The following LSAMP variants were observed in gnomAD, a reference collection of about 807,000 sequenced individuals.
LSAMP encodes the protein limbic system-associated membrane protein.
Under a neutral mutation model 38.6 loss-of-function variants are expected in LSAMP, and 7 were observed. The ratio of observed to expected loss-of-function variants is 0.18; its 90% CI spans 0.10 to 0.34. The LOEUF (loss-of-function observed/expected upper bound fraction) is 0.34, where lower values mean the gene tolerates loss of function less well. LSAMP is among the 10% of genes least tolerant of loss of function. The probability of loss-of-function intolerance (pLI) is 1.00; values close to 1 mark genes in which losing one functional copy is unlikely to be tolerated. For synonymous variants in LSAMP, 154 were observed against 166.8 expected (o/e 0.92, Z 0.59); for missense variants, 313 against 420.0 (o/e 0.75, Z 2.23).
At chr3:116,415,466 G>C (rs1438577316) in intron 1 of LSAMP, among the ~76,000 whole-genome samples, 1 of 152,048 alleles carries the variant, frequency 6.6e-6, no homozygotes, top group Non-Finnish European at 1.5e-5. Context: ...ATTGGCCACT[G>C]GGCTGAGAAC....
intron 1 of LSAMP, among the ~76,000 whole-genome samples, chr3:116,328,654 T>A (rs977482932): frequency 1.1e-4 from 16 of 152,196 alleles, no homozygotes; most frequent in South Asian, 2.1e-4. Flanking sequence ...TGAAAAGTGA[T>A]AGGGGCATCA....
At chr3:116,048,963 G>A (rs1281839712) in intron 2 of LSAMP, among the ~76,000 whole-genome samples, 2 of 152,334 alleles carry the variant, frequency 1.3e-5, no homozygotes, top group Middle Eastern at 6.8e-3. Flanking sequence ...AGAGGTGAAA[G>A]AATATGCAGG....
intron 3 of LSAMP, among the ~76,000 whole-genome samples, chr3:115,888,538 C>A (rs1936514234): frequency 6.6e-6 from 1 of 151,890 alleles, no homozygotes; most frequent in Non-Finnish European, 1.5e-5. Context: ...AGTCTTAAAT[C>A]AACACCTTCC....
At chr3:115,982,688 C>T (rs2107629491) in intron 3 of LSAMP, among the ~76,000 whole-genome samples, 1 of 152,208 alleles carries the variant, frequency 6.6e-6, no homozygotes, top group Non-Finnish European at 1.5e-5. Flanking sequence ...CCTCCATCCC[C>T]CATTCCTCCA....
At chr3:116,393,396 G>A (rs377636663) in intron 1 of LSAMP, among the ~76,000 whole-genome samples, 21 of 152,172 alleles carry the variant, frequency 1.4e-4, no homozygotes, top group South Asian at 2.1e-4. Context: ...ACCAGTGCCC[G>A]TTATGGCACC....
At chr3:115,999,264 C>T (rs1178598017) in intron 3 of LSAMP, among the ~76,000 whole-genome samples, 1 of 152,148 alleles carries the variant, frequency 6.6e-6, no homozygotes, top group African/African-American at 2.4e-5. Flanking sequence ...TCTTTTCCCT[C>T]CATGGGAAGA....
At chr3:116,264,834 T>C (rs2046872128) in intron 1 of LSAMP, among the ~76,000 whole-genome samples, 1 of 152,086 alleles carries the variant, frequency 6.6e-6, no homozygotes, top group Admixed American at 6.6e-5. Context: ...CTCAAAAAAC[T>C]GAGTTTAAAC....
chr3:116,145,293 C>T (rs578099067), intron 1 of LSAMP, among the ~76,000 whole-genome samples: 4 of 151,694 alleles, frequency 2.6e-5, no homozygotes, highest in Non-Finnish European at 4.4e-5. Context: ...TCCAGAGAAC[C>T]AGAGAACCAG....
intron 1 of LSAMP, among the ~76,000 whole-genome samples, chr3:116,176,660 G>T (rs1165978049): frequency 6.6e-6 from 1 of 152,080 alleles, no homozygotes; most frequent in East Asian, 1.9e-4. Context: ...GTTTAAACTA[G>T]TTGTTATAAC....
At chr3:115,928,611 G>T (rs776279857) in intron 3 of LSAMP, among the ~76,000 whole-genome samples, 6 of 152,180 alleles carry the variant, frequency 3.9e-5, no homozygotes, top group Non-Finnish European at 8.8e-5. Flanking sequence ...ATGTTTTATA[G>T]GATTTGTTGA....
intron 1 of LSAMP, among the ~76,000 whole-genome samples, chr3:116,260,331 G>A (rs2046808454): frequency 6.6e-6 from 1 of 151,976 alleles, no homozygotes. Flanking sequence ...TCCAGTAAAA[G>A]CAGATTTATT....
Position 116,197,161 on chromosome 3 carries a change from ACACTCT to A in LSAMP, c.156-110611_156-110606del, listed in dbSNP as rs1463371166. Reference sequence around the variant, plus strand: ...CACACACACACACACACACACACACACACTCTCTCTCTCTCTCACTCACTTTGTCTA... The same window carrying A: ...CACACACACACACACACACACACACACTCTCTCTCTCACTCACTTTGTCTA... On this transcript the variant is annotated intron_variant, in intron 1 of 6. Coordinates refer to ENST00000490035, the MANE Select transcript of LSAMP (RefSeq NM_002338.5). 1.5e-3 allele frequency among the ~76,000 whole-genome samples: 232 copies of A among 150,130 alleles called. 1 individual carries two copies. Among genetic ancestry groups the A allele is most frequent in the African/African-American group, 5.3e-3 (214 of 40,098 alleles).
intron 1 of LSAMP, among the ~76,000 whole-genome samples, chr3:116,238,497 C>G (rs1384910212): frequency 1.3e-5 from 2 of 152,186 alleles, no homozygotes; most frequent in Non-Finnish European, 2.9e-5. Context: ...TATGACTAGG[C>G]AGACAGCACA....
intron 3 of LSAMP, among the ~76,000 whole-genome samples, chr3:115,907,728 CAAAAAT>C (rs975265184): frequency 6.6e-6 from 1 of 151,992 alleles, no homozygotes; most frequent in Non-Finnish European, 1.5e-5. Context: ...ACAGTAAACT[CAAAAAT>C]AAAAAGTTTT....
rs558848142 is a variant in LSAMP at position 116,353,903 on chromosome 3, A to G, written c.155+90974T>C. Among the ~76,000 whole-genome samples, 237 of 152,230 alleles carry G rather than the reference A, an allele frequency of 1.6e-3. 3 individuals carry two copies. The highest frequency in any genetic ancestry group is 5.4e-3 in the African/African-American group (223 of 41,572). On this transcript the variant is annotated intron_variant, in intron 1 of 6. Coordinates refer to ENST00000490035, the MANE Select transcript of LSAMP (RefSeq NM_002338.5). ...AATTAAAATAAAGTTCATAAAAATC[A>G]TTGTAGGAGAGCTTCTAAGATTTCC... is the stretch of plus-strand genomic sequence containing the variant.
At chr3:115,909,160 C>T (rs1404061151) in intron 3 of LSAMP, among the ~76,000 whole-genome samples, 1 of 152,184 alleles carries the variant, frequency 6.6e-6, no homozygotes, top group East Asian at 1.9e-4. Flanking sequence ...CTTTGCTCCT[C>T]CTGCATCCTT....
intron 3 of LSAMP, among the ~76,000 whole-genome samples, chr3:115,881,586 G>T (rs1392153809): frequency 6.6e-6 from 1 of 152,086 alleles, no homozygotes; most frequent in Non-Finnish European, 1.5e-5. Context: ...ACTGCTTCTT[G>T]ACTGGTTGTG....
At chr3:116,099,080 C>A (rs565173914) in intron 1 of LSAMP, among the ~76,000 whole-genome samples, 1 of 152,216 alleles carries the variant, frequency 6.6e-6, no homozygotes, top group Non-Finnish European at 1.5e-5. Context: ...AAGGCCATCA[C>A]CCCCTTGTAC....
At chr3:115,999,956 CAACTCA>C (rs1205733181) in intron 3 of LSAMP, among the ~76,000 whole-genome samples, 1 of 152,128 alleles carries the variant, frequency 6.6e-6, no homozygotes, top group Non-Finnish European at 1.5e-5. Context: ...TTCTCCCCAG[CAACTCA>C]AACTGGGCAG....
Sources: gnomAD v4.1 joint callset for allele counts (sites outside exome capture counted in the v4.1 genomes callset) on GRCh38, gnomAD v4.1.1 for gene constraint, MANE v1.5 for transcripts, NCBI Gene and HGNC (gene_info 2026-07-23, HGNC 2026-07-21) for gene names.